Variants in GABRA3 observed in about 807,000 individuals in gnomAD.
The protein encoded by GABRA3 is gamma-aminobutyric acid type A receptor subunit alpha3, also known as gamma-aminobutyric acid receptor subunit alpha-3.
Under a neutral mutation model 30.1 loss-of-function variants are expected in GABRA3, and 10 were observed. The observed-to-expected ratio is 0.33, with a 90% CI of 0.20 to 0.56. The LOEUF is 0.56. Among genes scored for constraint, GABRA3 ranks in the 20% least tolerant of loss-of-function variants. The pLI is 0.89. For missense variants in GABRA3, 233 were observed against 392.0 expected, an observed-to-expected ratio of 0.59 and a Z score of 3.42; for synonymous variants, 151 against 146.8, an observed-to-expected ratio of 1.03 and a Z score of -0.21.
chrX:152,289,356 A>C (rs1321437501), intron 3 of GABRA3, among the ~76,000 whole-genome samples: 2 of 109,710 alleles, frequency 1.8e-5, no homozygotes, highest in Non-Finnish European at 3.8e-5. Flanking sequence ...TAAGAAAAAA[A>C]AATATATATT....
intron 9 of GABRA3, among the ~76,000 whole-genome samples, chrX:152,186,492 G>A (rs10126211): frequency 0.038 from 4,224 of 111,298 alleles, 136 homozygotes; most frequent in African/African-American, 0.11. Flanking sequence ...GTGAGCCATC[G>A]CCTTCAGCGC....
intron 1 of GABRA3, among the ~76,000 whole-genome samples, chrX:152,430,270 G>A (rs1458053744): frequency 8.9e-6 from 1 of 111,956 alleles, no homozygotes; most frequent in Non-Finnish European, 1.9e-5. Context: ...GGCTGGGGAT[G>A]GGGTTGGAGA....
At chrX:152,316,360 T>C (rs966563117) in intron 3 of GABRA3, among the ~76,000 whole-genome samples, 2 of 111,927 alleles carry the variant, frequency 1.8e-5, no homozygotes, top group Non-Finnish European at 3.8e-5. Flanking sequence ...TTTGGGATTA[T>C]GTTAAACGAA....
chrX:152,200,969 G>A (rs1342777522), intron 7 of GABRA3, among the ~76,000 whole-genome samples: 1 of 111,819 alleles, frequency 8.9e-6, no homozygotes, highest in East Asian at 2.8e-4. Context: ...TGACACCTAG[G>A]TTGCGAAGAT....
chrX:152,240,690 A>G (rs1329423748), intron 5 of GABRA3, among the ~76,000 whole-genome samples: 3 of 101,155 alleles, frequency 3.0e-5, no homozygotes, highest in Non-Finnish European at 5.8e-5. Context: ...GGCTTTGCTC[A>G]TATCTTTTTA....
chrX:152,422,134 C>T (rs756396046), intron 1 of GABRA3, among the ~76,000 whole-genome samples: 19 of 110,978 alleles, frequency 1.7e-4, no homozygotes, highest in African/African-American at 2.3e-4. Context: ...TAGTATCAAA[C>T]GAGATAAAAC....
intron 1 of GABRA3, among the ~76,000 whole-genome samples, chrX:152,375,734 T>C (rs1928978005): frequency 8.9e-6 from 1 of 112,490 alleles, no homozygotes; most frequent in South Asian, 3.6e-4. Context: ...AAATTCATTA[T>C]TTCCAATACC....
chrX:152,182,063 G>A (rs1937156497), intron 9 of GABRA3, among the ~76,000 whole-genome samples: 1 of 109,819 alleles, frequency 9.1e-6, no homozygotes, highest in Non-Finnish European at 1.9e-5. Flanking sequence ...TATTGTGATT[G>A]TAATTAGTTG....
chrX:152,241,046 G>C (rs769079458), intron 5 of GABRA3, among the ~76,000 whole-genome samples: 8 of 109,882 alleles, frequency 7.3e-5, no homozygotes, highest in Admixed American at 9.7e-5. Flanking sequence ...GAGGAACTGC[G>C]TTCCTTTGGA....
At chrX:152,264,701 G>A (rs1057308478) in intron 4 of GABRA3, among the ~76,000 whole-genome samples, 5 of 110,811 alleles carry the variant, frequency 4.5e-5, no homozygotes, top group African/African-American at 1.3e-4. Context: ...AAATACAGTG[G>A]GTGAATGGAT....
At chrX:152,182,854 TATA>T in intron 9 of GABRA3, among the ~76,000 whole-genome samples, 1 of 93,880 alleles carries the variant, frequency 1.1e-5, no homozygotes, top group East Asian at 3.3e-4. Flanking sequence ...TACTATAGTA[TATA>T]TACTATAGTA....
chrX:152,339,584 A>G (rs1469334428), intron 3 of GABRA3, among the ~76,000 whole-genome samples: 1 of 111,840 alleles, frequency 8.9e-6, no homozygotes, highest in Non-Finnish European at 1.9e-5. Context: ...GTTGCAGTAC[A>G]CTTGAAGAGA....
chrX:152,191,381 C>T (rs1277333954), intron 8 of GABRA3, among the ~76,000 whole-genome samples: 1 of 110,279 alleles, frequency 9.1e-6, no homozygotes, highest in African/African-American at 3.3e-5. Context: ...TTTATTCTCT[C>T]TGTGCCTCCA....
At chrX:152,365,811 G>A (rs904200135) in intron 1 of GABRA3, among the ~76,000 whole-genome samples, 1 of 111,512 alleles carries the variant, frequency 9.0e-6, no homozygotes, top group African/African-American at 3.3e-5. Context: ...ATATTAAGCT[G>A]TCTTCATGAA....
intron 1 of GABRA3, among the ~76,000 whole-genome samples, chrX:152,447,596 T>G (rs1232978949): frequency 1.8e-5 from 2 of 112,428 alleles, no homozygotes; most frequent in Admixed American, 1.9e-4. Flanking sequence ...TTAACTGAAC[T>G]GATACAGCCC....
At chrX:152,178,267 C>CGTGT (rs890631490) in intron 9 of GABRA3, among the ~76,000 whole-genome samples, 3 of 80,276 alleles carry the variant, frequency 3.7e-5, no homozygotes, top group Non-Finnish European at 7.2e-5. Context: ...TGTGTGTGTG[C>CGTGT]GTGTGTGTGT....
At chrX:152,180,283 T>C (rs1937128569) in intron 9 of GABRA3, among the ~76,000 whole-genome samples, 1 of 112,164 alleles carries the variant, frequency 8.9e-6, no homozygotes, top group African/African-American at 3.2e-5. Context: ...TTAATTTACA[T>C]TTTTCTGATG....
intron 3 of GABRA3, among the ~76,000 whole-genome samples, chrX:152,317,948 AAAAG>A (rs1939903419): frequency 9.0e-6 from 1 of 111,497 alleles, no homozygotes; most frequent in Non-Finnish European, 1.9e-5. Context: ...CCAGCAGAAG[AAAAG>A]AAATAACCAA....
intron 1 of GABRA3, among the ~76,000 whole-genome samples, chrX:152,408,019 T>G (rs4828695): frequency 0.47 from 51,913 of 110,018 alleles, 10,437 homozygotes; most frequent in Non-Finnish European, 0.64. Context: ...CCAATAAAAT[T>G]CAACATCCCT....
Sources: allele counts gnomAD v4.1 joint callset (sites outside exome capture counted in the v4.1 genomes callset), GRCh38; gene constraint gnomAD v4.1.1; transcripts MANE v1.5; gene names NCBI Gene and HGNC (gene_info 2026-07-23, HGNC 2026-07-21).